Variants in SHTN1 observed in about 807,000 individuals in gnomAD.
SHTN1 encodes shootin 1, also known as shootin-1.
Under a neutral mutation model 83.1 loss-of-function variants are expected in SHTN1, and 42 were observed. The observed-to-expected ratio is 0.51, with a 90% CI of 0.39 to 0.65. The LOEUF (loss-of-function observed/expected upper bound fraction) is 0.65, where lower values mean the gene tolerates loss of function less well. SHTN1 is among the 30% of genes least tolerant of loss of function. The pLI is 0.00. For synonymous variants in SHTN1, 224 were observed against 247.7 expected (o/e 0.90, Z 0.90); for missense variants, 622 against 737.8 (o/e 0.84, Z 1.82).
chr10:117,107,971 A>G (rs1341159178), intron 1 of SHTN1, among the ~76,000 whole-genome samples: 1 of 152,194 alleles, frequency 6.6e-6, no homozygotes, highest in Non-Finnish European at 1.5e-5. Context: ...AATTACAGGC[A>G]TGAGCCACTG....
chr10:116,938,905 T>C (rs1007901820), intron 9 of SHTN1, among the ~76,000 whole-genome samples: 4 of 152,208 alleles, frequency 2.6e-5, no homozygotes, highest in African/African-American at 9.6e-5. Flanking sequence ...CTACAGCAGC[T>C]TGGCGGAGCT....
chr10:116,907,819 C>T lies in SHTN1; in HGVS notation c.1360-1072G>A, dbSNP rs1314408568. The T allele has an allele frequency of 4.6e-5, 23 of 498,360 alleles. No homozygotes were observed. The East Asian group carries it at 1.0e-3, about 22-fold the overall frequency. The allele number at this position is 498,360 out of a possible 1,614,324, so 30.9% of individuals were successfully genotyped here. On this transcript the variant is annotated intron_variant, in intron 14 of 16. Transcript: ENST00000355371. ...CAGACTTCATGCCAGAGTCAAAAGA[C>T]AGCTTTTGTCCACCAAGGCTAATAA...
At chr10:117,120,678 A>G (rs944099185) in intron 1 of SHTN1, among the ~76,000 whole-genome samples, 3 of 152,390 alleles carry the variant, frequency 2.0e-5, no homozygotes, top group East Asian at 1.9e-4. Flanking sequence ...ATGGTTTGGT[A>G]GAAGAAACAG....
intron 2 of SHTN1, among the ~76,000 whole-genome samples, chr10:117,029,181 C>A (rs1277815814): frequency 6.6e-6 from 1 of 152,206 alleles, no homozygotes; most frequent in Non-Finnish European, 1.5e-5. Context: ...GACTGCCCTG[C>A]TGGGTTTCAG....
chr10:117,093,740 ACAATGGG>A (rs1853467701), intron 1 of SHTN1, among the ~76,000 whole-genome samples: 1 of 152,188 alleles, frequency 6.6e-6, no homozygotes, highest in Admixed American at 6.5e-5. Flanking sequence ...GGAACCACAC[ACAATGGG>A]CATTCACTGT....
intron 2 of SHTN1, among the ~76,000 whole-genome samples, chr10:117,045,142 C>G (rs1280576743): frequency 2.6e-5 from 4 of 152,106 alleles, no homozygotes; most frequent in Non-Finnish European, 5.9e-5. Flanking sequence ...TCACAACATT[C>G]ATTTATGGAG....
intron 16 of SHTN1, chr10:116,901,501 T>G: frequency 2.0e-6 from 2 of 985,220 alleles, no homozygotes; most frequent in Non-Finnish European, 2.4e-6. Context: ...ATCATCCAGA[T>G]CAATTATTTG....
At chr10:116,950,826 C>T (rs1849750428) in intron 6 of SHTN1, among the ~76,000 whole-genome samples, 1 of 152,142 alleles carries the variant, frequency 6.6e-6, no homozygotes, top group Non-Finnish European at 1.5e-5. Flanking sequence ...GGAGCTCAGG[C>T]TGGGAAGTTG....
At chr10:116,989,505 G>C (rs796454643) in intron 1 of SHTN1, among the ~76,000 whole-genome samples, 1 of 152,152 alleles carries the variant, frequency 6.6e-6, no homozygotes, top group Admixed American at 6.5e-5. Context: ...CTAAAAGCAG[G>C]ACAGAGAATT....
chr10:117,064,037 ACTT>A (rs1241159196), intron 1 of SHTN1, among the ~76,000 whole-genome samples: 1 of 152,184 alleles, frequency 6.6e-6, no homozygotes, highest in Non-Finnish European at 1.5e-5. Context: ...CTTTATGAAA[ACTT>A]CTCTCTGGTG....
intron 1 of SHTN1, among the ~76,000 whole-genome samples, chr10:117,088,496 T>C (rs1234659608): frequency 6.6e-6 from 1 of 152,172 alleles, no homozygotes; most frequent in East Asian, 1.9e-4. Context: ...AAAATATCAG[T>C]GTGTCCATTA....
At position 117,005,039 on chromosome 10, in the gene SHTN1, G is replaced by C. The variant is rs747181032; in HGVS notation, c.41C>G (p.Thr14Ser). 1 of 1,598,290 alleles carries C rather than the reference G, an allele frequency of 6.3e-7. No individual in the cohort carries two copies. The highest frequency in any genetic ancestry group is 1.3e-5 in the African/African-American group (1 of 74,802). The change falls in exon 1 of 17, where the codon ACC becomes AGC. Residue 14 changes from threonine to serine, a missense_variant. Physicochemically the swap from Thr to Ser is moderately conservative, Grantham distance 58. Transcript: ENST00000355371. ...SDEEKQLQLI[T>S]SLKEQAIGEY... ...CTGCCTACCTTGCTCCTTCAGACTGGTAATGAGCTGCAGCTGCTTCTCTTC... is the reference window on the plus strand; with the variant it reads ...CTGCCTACCTTGCTCCTTCAGACTGCTAATGAGCTGCAGCTGCTTCTCTTC...
chr10:117,002,704 C>T (rs1308888682), intron 1 of SHTN1, among the ~76,000 whole-genome samples: 1 of 152,120 alleles, frequency 6.6e-6, no homozygotes, highest in African/African-American at 2.4e-5. Flanking sequence ...AAATTGTTTC[C>T]ACAGTCTGTG....
In SHTN1 at chr10:116,940,524, T is replaced by A; in HGVS notation, c.800A>T (p.Asp267Val). 1.2e-6 allele frequency: 2 copies of A among 1,614,112 alleles called. No homozygotes were observed. The highest frequency in any genetic ancestry group is 1.7e-6 in the Non-Finnish European group (2 of 1,179,990). ...IPDQQLLKAL[D>V]ENAKLTQQLE... is the part of the protein sequence containing the mutation. ...TTGCTGGGTGAGTTTTGCATTTTCG[T>A]CTAAAGCTTTCAAAAGCTGCTGATC... Residue 267 changes from aspartate (D) to valine (V), a missense_variant, in exon 9 of 17, where the codon GAC becomes GTC. Around this residue, in one of 3 missense-constraint regions of SHTN1, gnomAD observed 383 missense variants for 455.8 expected, o/e 0.84. Coordinates refer to ENST00000355371, the MANE Select transcript of SHTN1 (RefSeq NM_001127211.3).
Position 116,979,247 on chromosome 10 carries a change from A to C in SHTN1, c.111+9T>G, listed in dbSNP as rs1302854332. ...GTAAGAAAGGGGAAAAAAAAGGTAA[A>C]GTACAAACCTTCTCCTTTGTTTTCT... is the stretch of plus-strand genomic sequence containing the variant. On this transcript the variant is annotated intron_variant, in intron 2 of 16. Coordinates refer to ENST00000355371, the MANE Select transcript of SHTN1 (RefSeq NM_001127211.3). The C allele has an allele frequency of 1.2e-6, 2 of 1,612,580 alleles. No homozygotes were observed. Among genetic ancestry groups the C allele is most frequent in the Non-Finnish European group, 8.5e-7 (1 of 1,178,622 alleles).
chr10:117,086,271 T>C (rs1473476792), intron 1 of SHTN1, among the ~76,000 whole-genome samples: 2 of 152,232 alleles, frequency 1.3e-5, no homozygotes, highest in African/African-American at 4.8e-5. Flanking sequence ...AACTTTCTTT[T>C]GACTAGTAGA....
At chr10:117,022,881 G>A (rs1169452686) in intron 2 of SHTN1, among the ~76,000 whole-genome samples, 2 of 152,160 alleles carry the variant, frequency 1.3e-5, no homozygotes, top group Admixed American at 6.5e-5. Flanking sequence ...TTGCACTCCT[G>A]CACTCCAGCC....
chr10:117,030,550 C>T (rs1254174585), intron 2 of SHTN1, among the ~76,000 whole-genome samples: 1 of 151,966 alleles, frequency 6.6e-6, no homozygotes, highest in African/African-American at 2.4e-5. Context: ...AGATATATTG[C>T]CTTTCAGACA....
intron 1 of SHTN1, among the ~76,000 whole-genome samples, chr10:117,093,662 C>T (rs1042017951): frequency 1.2e-4 from 18 of 152,198 alleles, no homozygotes; most frequent in African/African-American, 4.1e-4. Context: ...ACACCAGGCT[C>T]TCTTTAGTCA....
Sources: gnomAD v4.1 joint callset for allele counts (sites outside exome capture counted in the v4.1 genomes callset) on GRCh38, gnomAD v4.1.1 for gene constraint, gnomAD v4.1.1 regional missense constraint, MANE v1.5 for transcripts, NCBI Gene and HGNC (gene_info 2026-07-23, HGNC 2026-07-21) for gene names.